The following ZFAND6 variants were observed in gnomAD, a reference collection of about 807,000 sequenced individuals.
ZFAND6 encodes zinc finger AN1-type containing 6.
Under a neutral mutation model 24.5 loss-of-function variants are expected in ZFAND6, and 12 were observed. The observed-to-expected ratio is 0.49, with a 90% CI of 0.31 to 0.79. The LOEUF is 0.79. ZFAND6 is among the 30% of genes least tolerant of loss of function. The pLI, the probability that ZFAND6 is intolerant of heterozygous loss-of-function variation, is 0.04. For synonymous variants in ZFAND6, 92 were observed against 81.5 expected, an observed-to-expected ratio of 1.13 and a Z score of -0.69; for missense variants, 207 against 245.9, an observed-to-expected ratio of 0.84 and a Z score of 1.06.
At chr15:80,134,951 A>G (rs1211405250) in intron 6 of ZFAND6, among the ~76,000 whole-genome samples, 1 of 152,318 alleles carries the variant, frequency 6.6e-6, no homozygotes, top group Middle Eastern at 3.4e-3. Context: ...AAGGATTGGT[A>G]CCATATGGAA....
intron 1 of ZFAND6, among the ~76,000 whole-genome samples, chr15:80,091,160 G>GTGTGT (rs1555430411): frequency 1.5e-4 from 22 of 150,166 alleles, no homozygotes; most frequent in African/African-American, 5.1e-4. Context: ...GTTGTTAAGG[G>GTGTGT]GTGTGTGTGT....
intron 1 of ZFAND6, among the ~76,000 whole-genome samples, chr15:80,080,823 A>T (rs7166509): frequency 0.086 from 13,079 of 152,238 alleles, 650 homozygotes; most frequent in East Asian, 0.18. Context: ...GCCAGGAGCT[A>T]AAGAGAGTGG....
chr15:80,098,823 A>G (rs921021601), intron 2 of ZFAND6, among the ~76,000 whole-genome samples: 1 of 152,134 alleles, frequency 6.6e-6, no homozygotes, highest in Non-Finnish European at 1.5e-5. Context: ...CAGAATTATT[A>G]TAAGCATTGG....
intron 1 of ZFAND6, among the ~76,000 whole-genome samples, chr15:80,088,253 T>TA (rs2038124444): frequency 6.6e-6 from 1 of 152,118 alleles, no homozygotes; most frequent in Admixed American, 6.6e-5. Flanking sequence ...TCTGTGTGCT[T>TA]ATCTTAAACC....
intron 2 of ZFAND6, among the ~76,000 whole-genome samples, chr15:80,104,449 G>T (rs928580155): frequency 6.6e-6 from 1 of 152,162 alleles, no homozygotes; most frequent in East Asian, 1.9e-4. Flanking sequence ...ATCCTGGGAG[G>T]TAGAGGTTGC....
At chr15:80,121,856 A>C in intron 4 of ZFAND6, 36 bp downstream of exon 4, 1 of 1,533,912 alleles carries the variant, frequency 6.5e-7, no homozygotes, top group Non-Finnish European at 9.0e-7. Flanking sequence ...TGAGAATGCT[A>C]ATAAAAACTA....
intron 2 of ZFAND6, among the ~76,000 whole-genome samples, chr15:80,114,696 C>T (rs1391664957): frequency 6.6e-6 from 1 of 152,120 alleles, no homozygotes; most frequent in Non-Finnish European, 1.5e-5. Flanking sequence ...TTTATGTTGC[C>T]ATCATTACTA....
At chr15:80,103,762 C>CT (rs2039159918) in intron 2 of ZFAND6, among the ~76,000 whole-genome samples, 2 of 152,220 alleles carry the variant, frequency 1.3e-5, no homozygotes, top group South Asian at 4.1e-4. Context: ...CCTCAGCAAT[C>CT]TTTGATAGAA....
intron 1 of ZFAND6, chr15:80,060,044 C>T (rs1010279909): frequency 6.6e-6 from 1 of 150,796 alleles, no homozygotes; most frequent in African/African-American, 2.4e-5. Context: ...GGCGGGTTCA[C>T]CTCAGACGGC....
intron 1 of ZFAND6, among the ~76,000 whole-genome samples, chr15:80,068,515 G>A (rs867198294): frequency 3.3e-5 from 5 of 152,202 alleles, no homozygotes; most frequent in Admixed American, 1.3e-4. Flanking sequence ...GGGATTACAG[G>A]CGAGTGCCAC....
chr15:80,093,191 TCCTGA>T (rs966799172), intron 1 of ZFAND6, among the ~76,000 whole-genome samples: 38 of 151,698 alleles, frequency 2.5e-4, no homozygotes, highest in African/African-American at 8.9e-4. Context: ...GGTTTCGAAC[TCCTGA>T]CCTCGTGATC....
At chr15:80,122,416 A>G (rs961480987) in intron 4 of ZFAND6, among the ~76,000 whole-genome samples, 22 of 151,884 alleles carry the variant, frequency 1.4e-4, no homozygotes, top group Non-Finnish European at 2.8e-4. Context: ...AGGGTTCTTT[A>G]AGCATGTCTT....
At chr15:80,107,595 C>T (rs563225263) in intron 2 of ZFAND6, among the ~76,000 whole-genome samples, 7 of 151,776 alleles carry the variant, frequency 4.6e-5, no homozygotes, top group South Asian at 2.1e-4. Context: ...GAGGCTGAAG[C>T]GGGTGGGTCA....
intron 1 of ZFAND6, among the ~76,000 whole-genome samples, chr15:80,097,913 T>C (rs1399254826): frequency 1.3e-5 from 2 of 152,110 alleles, no homozygotes; most frequent in East Asian, 3.9e-4. Flanking sequence ...GTAGTAATAA[T>C]GGTACTGTAG....
At chr15:80,102,789 C>G (rs911755910) in intron 2 of ZFAND6, among the ~76,000 whole-genome samples, 1 of 151,912 alleles carries the variant, frequency 6.6e-6, no homozygotes, top group African/African-American at 2.4e-5. Flanking sequence ...GGGGAGATAC[C>G]AAAGGATAGG....
chr15:80,117,054 CA>C (rs2039908180), intron 2 of ZFAND6, among the ~76,000 whole-genome samples: 1 of 152,124 alleles, frequency 6.6e-6, no homozygotes, highest in East Asian at 1.9e-4. Flanking sequence ...GATATAGTAG[CA>C]ACTAATCACA....
chr15:80,121,934 A>C, intron 4 of ZFAND6, 114 bp downstream of exon 4: 1 of 898,426 alleles, frequency 1.1e-6, no homozygotes, highest in Non-Finnish European at 1.6e-6. Context: ...AACTGGCCTA[A>C]AATTTTATCG....
At chr15:80,132,953 AAAG>A (rs1220303842) in intron 6 of ZFAND6, among the ~76,000 whole-genome samples, 2 of 151,856 alleles carry the variant, frequency 1.3e-5, no homozygotes, top group African/African-American at 4.8e-5. Context: ...AAAAAAAAAA[AAAG>A]GAAATTTGTG....
At chr15:80,106,740 C>G (rs2039349363) in intron 2 of ZFAND6, among the ~76,000 whole-genome samples, 1 of 151,982 alleles carries the variant, frequency 6.6e-6, no homozygotes, top group Non-Finnish European at 1.5e-5. Context: ...CCTCAGTAAC[C>G]CTTTTCCCTG....
Sources: allele counts gnomAD v4.1 joint callset (sites outside exome capture counted in the v4.1 genomes callset), GRCh38; gene constraint gnomAD v4.1.1; transcripts MANE v1.5; gene names NCBI Gene and HGNC (gene_info 2026-07-23, HGNC 2026-07-21).